The following MBIP variants were observed in gnomAD, a reference collection of about 807,000 sequenced individuals.
MBIP encodes the protein MAP3K12 binding inhibitory protein 1.
Under a neutral mutation model 45.7 loss-of-function variants are expected in MBIP, and 32 were observed. The observed-to-expected ratio is 0.70, with a 90% CI of 0.53 to 0.94. The LOEUF is 0.94. Among genes scored for constraint, MBIP ranks in the 40% least tolerant of loss-of-function variants. MBIP has a pLI of 0.00. For missense variants in MBIP, 381 were observed against 405.5 expected (o/e 0.94, Z 0.52); for synonymous variants, 145 against 141.0 (o/e 1.03, Z -0.20).
chr14:36,317,128 T>C (rs1002612389), intron 1 of MBIP, among the ~76,000 whole-genome samples: 6 of 152,170 alleles, frequency 3.9e-5, no homozygotes, highest in African/African-American at 1.2e-4. Flanking sequence ...CTTCAATATA[T>C]ACAAACCTTT....
intron 1 of MBIP, among the ~76,000 whole-genome samples, chr14:36,318,192 T>C (rs1449027562): frequency 4.6e-5 from 7 of 152,006 alleles, no homozygotes; most frequent in East Asian, 1.9e-4. Context: ...AGATCTATAG[T>C]TGATTATAGA....
chr14:36,311,899 C>A (rs1328509825), intron 5 of MBIP, 60 bp downstream of exon 5: 1 of 1,329,162 alleles, frequency 7.5e-7, no homozygotes, highest in East Asian at 2.4e-5. Context: ...ATTTCTATTC[C>A]ATTTTGCTAA....
intron 7 of MBIP, among the ~76,000 whole-genome samples, chr14:36,304,460 T>C (rs1879756098): frequency 6.6e-6 from 1 of 152,242 alleles, no homozygotes; most frequent in South Asian, 2.1e-4. Context: ...ACAATATACT[T>C]GTAAAAGCAT....
chr14:36,311,687 G>C lies in MBIP; in HGVS notation c.676C>G (p.Pro226Ala). ...VVNTYGPQTRPEGIPGSGHKP... is the reference protein window; with the variant it reads ...VVNTYGPQTRAEGIPGSGHKP... ...TGACCTGACCCTGGAATTCCTTCAG[G>C]TCTAGTCTGTGGTCCGTATGTATTC... Residue 226 changes from proline to alanine, a missense_variant, in exon 6 of 9, where the codon CCT (proline) becomes GCT (alanine). Coordinates refer to ENST00000416007, the MANE Select transcript of MBIP (RefSeq NM_016586.3). 1 of 1,613,328 alleles carries C rather than the reference G, an allele frequency of 6.2e-7. No homozygotes were observed. The highest frequency in any genetic ancestry group is 8.5e-7 in the Non-Finnish European group (1 of 1,179,508).
intron 7 of MBIP, among the ~76,000 whole-genome samples, chr14:36,302,827 C>T (rs144993785): frequency 6.6e-6 from 1 of 152,284 alleles, no homozygotes; most frequent in African/African-American, 2.4e-5. Flanking sequence ...CTTATGATGG[C>T]TAGATAAGGT....
At chr14:36,310,410 G>T (rs1231411726) in intron 6 of MBIP, among the ~76,000 whole-genome samples, 5 of 152,022 alleles carry the variant, frequency 3.3e-5, no homozygotes, top group African/African-American at 4.8e-5. Flanking sequence ...ATCCTTCAAG[G>T]CCTCAAATGT....
At chr14:36,320,378 C>T (rs1880820829) in intron 1 of MBIP, 82 bp downstream of exon 1, 3 of 1,592,818 alleles carry the variant, frequency 1.9e-6, no homozygotes, top group Admixed American at 1.7e-5. Flanking sequence ...GCCTAGCTGC[C>T]CCCGGCCTCT....
chr14:36,314,891 G>C lies in MBIP; in HGVS notation c.274C>G (p.Pro92Ala). ...GCAGTTGTATTCTCCTCTTTAATCG[G>C]AGACTGAAGTTTTGCTAAAAAAGGC... ...LQPFLAKLQS[P>A]IKEENTTAVE... The change falls in exon 3 of 9, where the codon CCG becomes GCG. Residue 92 changes from proline (P) to alanine (A), a missense_variant. Physicochemically the swap from Pro to Ala is conservative, Grantham distance 27. Transcript: ENST00000416007. The C allele has an allele frequency of 6.2e-7, 1 of 1,612,692 alleles. No homozygotes were observed. The highest frequency in any genetic ancestry group is 8.5e-7 in the Non-Finnish European group (1 of 1,179,238).
In MBIP at chr14:36,299,133, G is replaced by A. The variant is rs773698376; in HGVS notation, c.985C>T (p.Leu329Phe). Reference protein sequence around the residue: ...EKISALKQALLRKSREAESMA... With the variant: ...EKISALKQALFRKSREAESMA... ...GATTCTGCTTCTCTTGATTTTCTGA[G>A]GAGGGCTTGTTTGAGGGCACTAATT... Residue 329 changes from leucine (L) to phenylalanine (F), a missense_variant, in exon 9 of 9, where the codon CTC (leucine) becomes TTC (phenylalanine). Transcript: ENST00000416007. The A allele has an allele frequency of 2.5e-5, 41 of 1,613,742 alleles. No homozygotes were observed. Among genetic ancestry groups the A allele is most frequent in the Admixed American group, 5.0e-5 (3 of 59,976 alleles).
intron 4 of MBIP, 66 bp downstream of exon 4, chr14:36,314,441 TAAATA>T (rs1880418609): frequency 2.5e-5 from 21 of 853,360 alleles, no homozygotes; most frequent in Non-Finnish European, 3.8e-5. Context: ...ATTTAAAAAA[TAAATA>T]AAAGATTAGA....
intron 4 of MBIP, among the ~76,000 whole-genome samples, chr14:36,312,337 C>T (rs919879286): frequency 6.6e-6 from 1 of 152,108 alleles, no homozygotes; most frequent in East Asian, 1.9e-4. Flanking sequence ...AGAAAATAAT[C>T]TACCATAGAG....
At position 36,315,549 on chromosome 14, in the gene MBIP, G is replaced by GA. The variant is rs375931725; in HGVS notation, c.250-635dup. 8.9e-3 allele frequency among the ~76,000 whole-genome samples: 1,294 copies of GA among 146,056 alleles called. 19 individuals are homozygous for GA. The highest frequency in any genetic ancestry group is 0.031 in the African/African-American group (1,238 of 39,936). ...AAATTTTAAAAAAGAAAACGAACAAGAAAAAAAAAAGATCTATAGCTGAAA... is the reference window on the plus strand; with the variant it reads ...AAATTTTAAAAAAGAAAACGAACAAGAAAAAAAAAAAGATCTATAGCTGAAA... On this transcript the variant is annotated intron_variant, in intron 2 of 8. Transcript: ENST00000416007.
chr14:36,311,280 A>T (rs1432548064), intron 6 of MBIP, among the ~76,000 whole-genome samples: 1 of 151,872 alleles, frequency 6.6e-6, no homozygotes, highest in Non-Finnish European at 1.5e-5. Context: ...GCAAGACTGG[A>T]CTATCTCTTT....
At chr14:36,306,160 C>CT (rs1405458560) in intron 7 of MBIP, among the ~76,000 whole-genome samples, 1 of 152,118 alleles carries the variant, frequency 6.6e-6, no homozygotes, top group African/African-American at 2.4e-5. Flanking sequence ...ACTTCTACCT[C>CT]TTTACCCACT....
At chr14:36,302,106 GC>G (rs758255434) in intron 7 of MBIP, among the ~76,000 whole-genome samples, 143 of 152,326 alleles carry the variant, frequency 9.4e-4, no homozygotes, top group Non-Finnish European at 1.6e-3. Context: ...CTGTGGTAGG[GC>G]CTATGGGCAA....
In MBIP at chr14:36,316,742, T is replaced by C. The variant is rs753024430; in HGVS notation, c.200A>G (p.Gln67Arg). 14 of 1,613,176 alleles carry C rather than the reference T, an allele frequency of 8.7e-6. No homozygotes were observed. Among genetic ancestry groups the C allele is most frequent in the Non-Finnish European group, 1.0e-5 (12 of 1,179,360 alleles). Residue 67 changes from glutamine to arginine, a missense_variant, in exon 2 of 9, where the codon CAG (glutamine) becomes CGG (arginine). Transcript: ENST00000416007. ...AAGTGCACTAAAGAGCAATGCAGGCTGGAATGCCGAGAGGCTCTGGAGCTT... is the reference window on the plus strand; with the variant it reads ...AAGTGCACTAAAGAGCAATGCAGGCCGGAATGCCGAGAGGCTCTGGAGCTT... ...WNKLQSLSAF[Q>R]PALLFSALEQ...
Position 36,298,987 on chromosome 14 carries a change from G to T in MBIP, c.*96C>A. Reference sequence around the variant, plus strand: ...AAATAAACCTTGACTTCACAGAGAAGTCTACATTGATAAATATATATCCGT... The same window carrying T: ...AAATAAACCTTGACTTCACAGAGAATTCTACATTGATAAATATATATCCGT... On this transcript the variant is annotated 3_prime_UTR_variant, in exon 9 of 9. Transcript: ENST00000416007. 1 of 853,868 alleles carries T rather than the reference G, an allele frequency of 1.2e-6. No homozygotes were observed. Among genetic ancestry groups the T allele is most frequent in the Non-Finnish European group, 1.9e-6 (1 of 525,156 alleles). 52.9% of individuals were successfully genotyped at this position (853,868 alleles called of 1,614,324 possible). A position where few individuals can be genotyped will look rare whatever the true frequency, so the allele number is the denominator to read the frequency against.
rs138198154 is a variant in MBIP, at chr14:36,320,574, C to T, written c.15G>A (p.Thr5=). 2.2e-4 allele frequency: 358 copies of T among 1,610,232 alleles called. 1 individual carries two copies. The African/African-American group carries it at 4.4e-3, about 20-fold the overall frequency. The change falls in exon 1 of 9, where the codon ACG becomes ACA. Residue 5 remains threonine, a synonymous_variant. Coordinates refer to ENST00000416007, the MANE Select transcript of MBIP (RefSeq NM_016586.3). MAAA[T]ELNRPSSGDR... is the part of the protein sequence containing the mutation. ...CACCGCTGCTCGGGCGATTAAGCTC[C>T]GTGGCAGCAGCCATGATATCTTCTC...
chr14:36,320,066 C>T (rs1880800292), intron 1 of MBIP, among the ~76,000 whole-genome samples: 1 of 152,052 alleles, frequency 6.6e-6, no homozygotes, highest in Admixed American at 6.6e-5. Flanking sequence ...GCGCGCTTTT[C>T]TATAAATCTC....
Sources: allele counts gnomAD v4.1 joint callset (sites outside exome capture counted in the v4.1 genomes callset), GRCh38; gene constraint gnomAD v4.1.1; transcripts MANE v1.5; gene names NCBI Gene and HGNC (gene_info 2026-07-23, HGNC 2026-07-21).